The following PRSS23 variants were observed in gnomAD, a reference collection of about 807,000 sequenced individuals.
PRSS23 encodes protease, serine 23.
Under a neutral mutation model 34.7 loss-of-function variants are expected in PRSS23, and 25 were observed. The ratio of observed to expected loss-of-function variants is 0.72; its 90% CI spans 0.53 to 1.01. The LOEUF is 1.01. PRSS23 is among the 50% of genes least tolerant of loss of function. The pLI is 0.00. For missense variants in PRSS23, 445 were observed against 475.6 expected (o/e 0.94, Z 0.60); for synonymous variants, 176 against 186.6 (o/e 0.94, Z 0.46).
chr11:86,848,072 G>A (rs1450803542), intron 2 of PRSS23, among the ~76,000 whole-genome samples: 1 of 152,216 alleles, frequency 6.6e-6, no homozygotes, highest in East Asian at 1.9e-4. Context: ...CTTACAAACA[G>A]TAGGAGGAGA....
chr11:86,952,797 T>C, exon 3 of PRSS23: 1 of 191,388 alleles, frequency 5.2e-6, no homozygotes, highest in Admixed American at 5.5e-5. Flanking sequence ...GCTTTCAATC[T>C]CCTTCCATTT....
chr11:86,857,169 G>A (rs1346623762), intron 2 of PRSS23: 10 of 351,632 alleles, frequency 2.8e-5, no homozygotes, highest in Non-Finnish European at 4.8e-5. Flanking sequence ...TGACCACAGC[G>A]TACATCACTG....
intron 2 of PRSS23, among the ~76,000 whole-genome samples, chr11:86,931,796 C>G (rs1396398117): frequency 6.6e-6 from 1 of 151,498 alleles, no homozygotes; most frequent in Non-Finnish European, 1.5e-5. Flanking sequence ...CATGAGCCAT[C>G]GTTCTCAGCG....
chr11:86,911,268 C>T (rs1287709953), intron 2 of PRSS23: 1 of 152,058 alleles, frequency 6.6e-6, no homozygotes, highest in African/African-American at 2.4e-5. Context: ...CTTTCCACCA[C>T]ATCACTTTCT....
intron 2 of PRSS23, among the ~76,000 whole-genome samples, chr11:86,872,374 A>C (rs1948690711): frequency 6.6e-6 from 1 of 152,196 alleles, no homozygotes; most frequent in Admixed American, 6.5e-5. Flanking sequence ...AAGTTATTCA[A>C]CTAGGAACAA....
At position 86,865,607 on chromosome 11, in the gene PRSS23, T is replaced by G. The variant is rs755023815; in HGVS notation, c.206+42014T>G. On this transcript the variant is annotated intron_variant, in intron 2 of 2. Transcript: ENST00000533902. ...AAGCTGTTGTACAAAGCTCAAGATA[T>G]AGCTGGGTTCTGTTTGATCATCAGT... Among the ~76,000 whole-genome samples, 71 of 152,188 alleles carry G rather than the reference T, an allele frequency of 4.7e-4. 1 individual carries two copies. The highest frequency in any genetic ancestry group is 4.0e-3 in the Admixed American group (61 of 15,284).
At chr11:86,841,636 A>G (rs182014585) in intron 2 of PRSS23, among the ~76,000 whole-genome samples, 4 of 152,138 alleles carry the variant, frequency 2.6e-5, no homozygotes, top group Non-Finnish European at 5.9e-5. Context: ...ACAAACTACC[A>G]TCAGAATACT....
rs181893131 is a variant in PRSS23 at position 86,806,758 on chromosome 11, A to G, written c.-13-873A>G. On this transcript the variant is annotated intron_variant, in intron 1 of 1. Transcript: ENST00000280258. ...CCATTAATACAAGCATCCATTTAAC[A>G]AATCTTTGTCGAGTGCTAGCACAGG... 6.0e-4 allele frequency among the ~76,000 whole-genome samples: 91 copies of G among 152,362 alleles called. 1 individual carries two copies. In the East Asian group the frequency reaches 0.017, roughly 28 times the overall value.
At chr11:86,823,318 C>G (rs544888000) in intron 1 of PRSS23, 4 of 691,470 alleles carry the variant, frequency 5.8e-6, no homozygotes, top group Non-Finnish European at 1.1e-5. Flanking sequence ...AATAGCTAAC[C>G]TAATTTAGTG....
At chr11:86,827,011 A>G (rs1453450074) in intron 2 of PRSS23, among the ~76,000 whole-genome samples, 1 of 152,180 alleles carries the variant, frequency 6.6e-6, no homozygotes, top group African/African-American at 2.4e-5. Flanking sequence ...GCCTCATAAA[A>G]TGAGTTAGGG....
intron 2 of PRSS23, among the ~76,000 whole-genome samples, chr11:86,863,916 T>C (rs1257773457): frequency 1.3e-5 from 2 of 152,186 alleles, no homozygotes; most frequent in East Asian, 3.8e-4. Flanking sequence ...AATGAAGGGG[T>C]TACCTTCTAA....
At chr11:86,829,705 G>T (rs1169835194) in intron 2 of PRSS23, among the ~76,000 whole-genome samples, 69 of 148,424 alleles carry the variant, frequency 4.6e-4, no homozygotes, top group African/African-American at 1.5e-3. Context: ...TTCCTTCTAA[G>T]AGACAGGACC....
intron 2 of PRSS23, among the ~76,000 whole-genome samples, chr11:86,851,335 C>T (rs1349606693): frequency 1.3e-5 from 2 of 152,154 alleles, no homozygotes; most frequent in African/African-American, 2.4e-5. Context: ...GGAGAGATGC[C>T]CCTTGAATGA....
chr11:86,915,072 A>T (rs961340796), intron 2 of PRSS23, among the ~76,000 whole-genome samples: 1 of 152,202 alleles, frequency 6.6e-6, no homozygotes. Flanking sequence ...GCAGTTGGGA[A>T]CCATCAATCG....
At chr11:86,943,256 A>G (rs886631803) in intron 2 of PRSS23, among the ~76,000 whole-genome samples, 2 of 152,248 alleles carry the variant, frequency 1.3e-5, no homozygotes, top group Non-Finnish European at 2.9e-5. Flanking sequence ...AAAAAATAGA[A>G]GCTTATGGTC....
At chr11:86,879,524 GC>G (rs1948754463) in intron 2 of PRSS23, among the ~76,000 whole-genome samples, 1 of 144,096 alleles carries the variant, frequency 6.9e-6, no homozygotes, top group Non-Finnish European at 1.5e-5. Flanking sequence ...CACCCGGCCA[GC>G]CGCCCCGTCC....
At chr11:86,849,759 C>T (rs1448447557) in intron 2 of PRSS23, among the ~76,000 whole-genome samples, 1 of 152,138 alleles carries the variant, frequency 6.6e-6, no homozygotes, top group Non-Finnish European at 1.5e-5. Flanking sequence ...ATGCTGCTCT[C>T]TCAGATACCA....
intron 2 of PRSS23, among the ~76,000 whole-genome samples, chr11:86,899,292 G>A (rs1441176619): frequency 2.6e-5 from 4 of 152,140 alleles, no homozygotes; most frequent in Non-Finnish European, 5.9e-5. Flanking sequence ...GCTGAAGGGG[G>A]CAGATTGCAT....
rs559305396 is a variant in PRSS23 at position 86,802,235 on chromosome 11, C to G, written c.-14+1584C>G. Among the ~76,000 whole-genome samples, 23 of 152,276 alleles carry G rather than the reference C, an allele frequency of 1.5e-4. No homozygotes were observed. The South Asian group carries it at 4.3e-3, about 29-fold the overall frequency. ...TTAGCAGGTTTTTTTGCACTCTGTT[C>G]TTGTTCTGCCAGGTTTGTCCCAGGC... is the stretch of plus-strand genomic sequence containing the variant. On this transcript the variant is annotated intron_variant, in intron 1 of 1. Transcript: ENST00000280258.
Sources: allele counts gnomAD v4.1 joint callset (sites outside exome capture counted in the v4.1 genomes callset), GRCh38; gene constraint gnomAD v4.1.1; transcripts MANE v1.5; gene names NCBI Gene and HGNC (gene_info 2026-07-23, HGNC 2026-07-21).